ARHGAP6: variants seen among roughly 807,000 people sequenced by gnomAD.
The protein encoded by ARHGAP6 is rho GTPase-activating protein 6.
ARHGAP6 carries 16 observed loss-of-function variants against 55.7 expected under a neutral mutation model. The observed-to-expected ratio is 0.29, with a 90% CI of 0.19 to 0.44. The LOEUF (loss-of-function observed/expected upper bound fraction) is 0.44. Ranked by LOEUF, ARHGAP6 falls within the 20% of genes least tolerant of loss-of-function variation. ARHGAP6 has a pLI of 1.00. For missense variants in ARHGAP6, 698 were observed against 808.9 expected (o/e 0.86, Z 1.66); for synonymous variants, 382 against 360.9 (o/e 1.06, Z -0.66).
chrX:11,483,692 T>C (rs757934669), intron 1 of ARHGAP6, among the ~76,000 whole-genome samples: 52 of 111,278 alleles, frequency 4.7e-4, no homozygotes, highest in African/African-American at 1.6e-3. Flanking sequence ...TGATTACTCT[T>C]CTGCTTACCA....
rs755408534 is a variant in ARHGAP6, at chrX:11,218,976, C to T, written c.749-21980G>A. On this transcript the variant is annotated intron_variant, in intron 2 of 12. Transcript: ENST00000337414. ...TATGTATACATGTGCCATGCTGGTG[C>T]GCTGCACCCACTAACTCGTCGTCTA... is the stretch of plus-strand genomic sequence containing the variant. Among the ~76,000 whole-genome samples, 539 of 106,650 alleles carry T rather than the reference C, an allele frequency of 5.1e-3. 3 individuals are homozygous for T. The highest frequency in any genetic ancestry group is 0.018 in the African/African-American group (514 of 29,191). 92.6% of individuals were successfully genotyped at this position (106,650 alleles called of 115,157 possible). A position where few individuals can be genotyped will look rare whatever the true frequency, so the allele number is the denominator to read the frequency against.
intron 8 of ARHGAP6, 68 bp from the exon 9 acceptor site, chrX:11,169,752 T>G (rs2046063652): frequency 2.3e-6 from 2 of 874,112 alleles, no homozygotes; most frequent in South Asian, 6.8e-5. Flanking sequence ...GATTCAACAA[T>G]CAATGAAACC....
chrX:11,459,412 G>C (rs1385611678), intron 1 of ARHGAP6, among the ~76,000 whole-genome samples: 1 of 111,712 alleles, frequency 9.0e-6, no homozygotes, highest in African/African-American at 3.3e-5. Context: ...AGTATTGAGT[G>C]CCAAACCACT....
In ARHGAP6 at chrX:11,367,771, C is replaced by A. The variant is rs186841074; in HGVS notation, c.589-113064G>T. Reference sequence around the variant, plus strand: ...GAAGTTTGAGAGACCAGGATGTTACCTCCAGATTGTGGGACTTCCAGGCTT... The same window carrying A: ...GAAGTTTGAGAGACCAGGATGTTACATCCAGATTGTGGGACTTCCAGGCTT... On this transcript the variant is annotated intron_variant, in intron 1 of 12. Coordinates refer to ENST00000337414, the MANE Select transcript of ARHGAP6 (RefSeq NM_013427.3). 3.9e-3 allele frequency: 2,942 copies of A among 751,015 alleles called. 11 individuals are homozygous for A. Among genetic ancestry groups the A allele is most frequent in the Middle Eastern group, 0.016 (21 of 1,319 alleles). The allele number at this position is 751,015 out of a possible 1,213,427, so 61.9% of individuals were successfully genotyped here.
At position 11,365,727 on chromosome X, in the gene ARHGAP6, T is replaced by C. The variant is rs758040376; in HGVS notation, c.589-111020A>G. On this transcript the variant is annotated intron_variant, in intron 1 of 12. Transcript: ENST00000337414. ...GCAGAAAACCATAAAATAATTCAGG[T>C]ATTGGGGTTCCAATTCCTGGCCTTA... 4.4e-5 allele frequency among the ~76,000 whole-genome samples: 5 copies of C among 112,540 alleles called. No homozygotes were observed. In the South Asian group the frequency reaches 1.8e-3, roughly 41 times the overall value.
At chrX:11,639,311 C>G (rs1403776112) in intron 1 of ARHGAP6, among the ~76,000 whole-genome samples, 1 of 110,845 alleles carries the variant, frequency 9.0e-6, no homozygotes, top group African/African-American at 3.3e-5. Flanking sequence ...TTGCTGCACC[C>G]ATCAACTTGT....
At chrX:11,319,013 T>C (rs748638288) in intron 1 of ARHGAP6, among the ~76,000 whole-genome samples, 6 of 112,270 alleles carry the variant, frequency 5.3e-5, no homozygotes, top group South Asian at 3.7e-4. Context: ...ATTTTCTCAG[T>C]TTATAAATGA....
At chrX:11,374,189 A>G in intron 1 of ARHGAP6, among the ~76,000 whole-genome samples, 1 of 111,322 alleles carries the variant, frequency 9.0e-6, no homozygotes. Context: ...GAGTGGGCCC[A>G]AGAGAGAGCA....
chrX:11,354,311 C>A (rs866101806), intron 1 of ARHGAP6, among the ~76,000 whole-genome samples: 28 of 65,114 alleles, frequency 4.3e-4, no homozygotes, highest in African/African-American at 1.6e-3. Context: ...CTCTCTCTCT[C>A]TCTCTCTCTC....
At chrX:11,305,690 T>C (rs917521949) in intron 1 of ARHGAP6, among the ~76,000 whole-genome samples, 2 of 112,195 alleles carry the variant, frequency 1.8e-5, no homozygotes, top group African/African-American at 6.5e-5. Context: ...AGTTCTGTTC[T>C]GAGATTTGCT....
chrX:11,510,750 T>G (rs960207295), intron 1 of ARHGAP6, among the ~76,000 whole-genome samples: 2 of 111,773 alleles, frequency 1.8e-5, no homozygotes, highest in African/African-American at 3.2e-5. Flanking sequence ...ATCCAGCTTC[T>G]ATCAGCAAAC....
rs188906907 is a variant in ARHGAP6 at position 11,449,381 on chromosome X, T to C, written c.589-194674A>G. 2.6e-4 allele frequency among the ~76,000 whole-genome samples: 29 copies of C among 112,132 alleles called. No homozygotes were observed. In the East Asian group the frequency reaches 5.0e-3, roughly 19 times the overall value. On this transcript the variant is annotated intron_variant, in intron 1 of 12. Transcript: ENST00000337414. ...AAATCTGACATCCAGGCAGCCATTGTGTGTTGTTTGGGAGTCCCTGGAAGA... is the reference window on the plus strand; with the variant it reads ...AAATCTGACATCCAGGCAGCCATTGCGTGTTGTTTGGGAGTCCCTGGAAGA...
intron 2 of ARHGAP6, among the ~76,000 whole-genome samples, chrX:11,216,293 C>T (rs1158838699): frequency 9.0e-6 from 1 of 111,001 alleles, no homozygotes; most frequent in African/African-American, 3.3e-5. Context: ...TTGCTGAAAT[C>T]GATGCGGAAG....
At chrX:11,458,997 A>G (rs1475412118) in intron 1 of ARHGAP6, among the ~76,000 whole-genome samples, 1 of 110,833 alleles carries the variant, frequency 9.0e-6, no homozygotes, top group Non-Finnish European at 1.9e-5. Context: ...GGCTTCAATC[A>G]GAGTTTGAGA....
At chrX:11,144,630 T>C (rs777052120) in intron 10 of ARHGAP6, among the ~76,000 whole-genome samples, 1 of 112,447 alleles carries the variant, frequency 8.9e-6, no homozygotes, top group Admixed American at 9.3e-5. Context: ...CACTAGTAGA[T>C]AACTCTTTCA....
intron 1 of ARHGAP6, among the ~76,000 whole-genome samples, chrX:11,295,567 G>T (rs755481913): frequency 9.0e-6 from 1 of 111,372 alleles, no homozygotes; most frequent in Non-Finnish European, 1.9e-5. Context: ...CTTTTTGGTG[G>T]AATAAAGAGC....
intron 2 of ARHGAP6, among the ~76,000 whole-genome samples, chrX:11,224,711 T>C (rs1008794834): frequency 9.1e-6 from 1 of 110,012 alleles, no homozygotes; most frequent in Non-Finnish European, 1.9e-5. Flanking sequence ...TGGGACTGAG[T>C]TACCGGAGCA....
chrX:11,537,160 A>G (rs1429650560), intron 1 of ARHGAP6, among the ~76,000 whole-genome samples: 1 of 112,592 alleles, frequency 8.9e-6, no homozygotes. Context: ...GGCTATGTGA[A>G]TAAATTCTAA....
intron 1 of ARHGAP6, among the ~76,000 whole-genome samples, chrX:11,507,502 A>G (rs1340854068): frequency 8.9e-6 from 1 of 112,141 alleles, no homozygotes; most frequent in African/African-American, 3.2e-5. Context: ...AAAAAACAGC[A>G]TAATTATTTC....
Sources: allele counts gnomAD v4.1 joint callset (sites outside exome capture counted in the v4.1 genomes callset), GRCh38; gene constraint gnomAD v4.1.1; transcripts MANE v1.5; gene names NCBI Gene and HGNC (gene_info 2026-07-23, HGNC 2026-07-21).